The following NPAS3 variants were observed in gnomAD, a reference collection of about 807,000 sequenced individuals.
NPAS3 encodes neuronal PAS domain-containing protein 3.
NPAS3 carries 14 observed loss-of-function variants against 73.1 expected under a neutral mutation model. The ratio of observed to expected loss-of-function variants is 0.19; its 90% CI spans 0.13 to 0.30. The LOEUF (loss-of-function observed/expected upper bound fraction) is 0.30. NPAS3 is among the 10% of genes least tolerant of loss of function. NPAS3 has a pLI of 1.00. For synonymous variants in NPAS3, 620 were observed against 541.5 expected (o/e 1.14, Z -2.01); for missense variants, 1,096 against 1,250.0 (o/e 0.88, Z 1.86).
chr14:32,938,486 T>TGACAGAGAGAGAGA (rs1555372900), upstream of NPAS3, among the ~76,000 whole-genome samples: 1,611 of 55,910 alleles, frequency 0.029, 187 homozygotes, highest in Non-Finnish European at 0.036. Flanking sequence ...AGAGAGAAAT[T>TGACAGAGAGAGAGA]GAGAGAGAGA....
chr14:33,432,061 A>C (rs1057203523), intron 4 of NPAS3, among the ~76,000 whole-genome samples: 1 of 152,230 alleles, frequency 6.6e-6, no homozygotes, highest in African/African-American at 2.4e-5. Context: ...AATGAGAATC[A>C]GTATATAAAG....
At chr14:33,505,957 G>A (rs1566957716) in intron 4 of NPAS3, among the ~76,000 whole-genome samples, 2 of 151,802 alleles carry the variant, frequency 1.3e-5, no homozygotes, top group South Asian at 2.1e-4. Context: ...CTTTCTTTCT[G>A]TCAGAAGTAC....
chr14:33,151,672 A>G (rs957773879), intron 2 of NPAS3, among the ~76,000 whole-genome samples: 1 of 152,244 alleles, frequency 6.6e-6, no homozygotes, highest in African/African-American at 2.4e-5. Context: ...AATGTCACAA[A>G]TAATAACTGA....
chr14:33,261,981 T>A (rs1425717948), intron 3 of NPAS3, among the ~76,000 whole-genome samples: 1 of 152,188 alleles, frequency 6.6e-6, no homozygotes, highest in African/African-American at 2.4e-5. Context: ...GTACAGCTCA[T>A]CTAGAGTTTC....
At chr14:33,019,496 G>A (rs2039514864) in intron 1 of NPAS3, among the ~76,000 whole-genome samples, 1 of 152,016 alleles carries the variant, frequency 6.6e-6, no homozygotes, top group Admixed American at 6.6e-5. Flanking sequence ...AAAAAAACCG[G>A]GGATGGTTTC....
chr14:33,742,207 A>T lies in NPAS3; in HGVS notation c.852+6875A>T, dbSNP rs189017973. The stretch of plus-strand genomic sequence containing the variant: ...GCTTTGCACTCTTTAACATGCTGAG[A>T]TGCCCTAACAATAGCTGCAGACACC... On this transcript the variant is annotated intron_variant, in intron 7 of 11. Coordinates refer to ENST00000356141, the Ensembl canonical transcript of NPAS3. Among the ~76,000 whole-genome samples the T allele has an allele frequency of 6.6e-5, 10 of 152,308 alleles. No individual in the cohort carries two copies. The East Asian group carries it at 1.9e-3, about 29-fold the overall frequency.
At chr14:33,639,403 A>G (rs1207832518) in intron 5 of NPAS3, among the ~76,000 whole-genome samples, 2 of 152,194 alleles carry the variant, frequency 1.3e-5, no homozygotes, top group African/African-American at 2.4e-5. Context: ...AATTTTCTAA[A>G]AAGACAAAGT....
At chr14:33,308,831 A>C in intron 3 of NPAS3, among the ~76,000 whole-genome samples, 1 of 152,142 alleles carries the variant, frequency 6.6e-6, no homozygotes, top group East Asian at 1.9e-4. Context: ...AAATGCAATG[A>C]CATAAAATTG....
intron 2 of NPAS3, among the ~76,000 whole-genome samples, chr14:33,138,490 G>A (rs1198638079): frequency 6.6e-6 from 1 of 152,042 alleles, no homozygotes; most frequent in Non-Finnish European, 1.5e-5. Context: ...AAGATTCATT[G>A]GTTCAATGAA....
chr14:33,776,170 A>G (rs1241865445), intron 8 of NPAS3, among the ~76,000 whole-genome samples: 1 of 152,200 alleles, frequency 6.6e-6, no homozygotes, highest in Non-Finnish European at 1.5e-5. Flanking sequence ...ACCAAGTTAC[A>G]GCCCACAAAG....
intron 1 of NPAS3, among the ~76,000 whole-genome samples, chr14:33,053,642 G>GTTAA (rs1403582919): frequency 6.6e-6 from 1 of 152,200 alleles, no homozygotes; most frequent in Non-Finnish European, 1.5e-5. Flanking sequence ...AACACAAAGT[G>GTTAA]TTAAGTAAAT....
intron 1 of NPAS3, among the ~76,000 whole-genome samples, chr14:32,968,636 T>C (rs1407556503): frequency 6.6e-6 from 1 of 152,192 alleles, no homozygotes; most frequent in Non-Finnish European, 1.5e-5. Context: ...CTAATATGCT[T>C]GTGCAACAAC....
chr14:33,709,647 G>A (rs2060761495), intron 6 of NPAS3, among the ~76,000 whole-genome samples: 1 of 152,208 alleles, frequency 6.6e-6, no homozygotes, highest in African/African-American at 2.4e-5. Context: ...GGCCAACCCT[G>A]TGTGGGAGTC....
intron 4 of NPAS3, among the ~76,000 whole-genome samples, chr14:33,468,238 C>T (rs553717846): frequency 5.3e-5 from 8 of 152,136 alleles, no homozygotes; most frequent in East Asian, 1.9e-4. Context: ...CCACCAGGCT[C>T]GTATGGAAAT....
chr14:33,751,406 A>G (rs558752620), intron 7 of NPAS3, among the ~76,000 whole-genome samples: 54 of 152,314 alleles, frequency 3.5e-4, no homozygotes, highest in African/African-American at 1.3e-3. Flanking sequence ...CATTGCTCAT[A>G]TAAATAGACA....
chr14:33,560,091 C>G (rs1265253424), intron 4 of NPAS3, 30 bp from the exon 5 acceptor site: 1 of 776,054 alleles, frequency 1.3e-6, no homozygotes, highest in Admixed American at 1.9e-5. Flanking sequence ...ATTTATTAAT[C>G]TATTTATATA....
At chr14:33,323,491 G>C (rs2043553091) in intron 3 of NPAS3, among the ~76,000 whole-genome samples, 1 of 152,168 alleles carries the variant, frequency 6.6e-6, no homozygotes, top group African/African-American at 2.4e-5. Context: ...ACAATGTTCA[G>C]TAAACAGTTG....
At chr14:33,731,125 A>G (rs531607040) in intron 6 of NPAS3, among the ~76,000 whole-genome samples, 1 of 152,270 alleles carries the variant, frequency 6.6e-6, no homozygotes, top group African/African-American at 2.4e-5. Flanking sequence ...CACTTCAAGT[A>G]TACTGAAAAA....
At chr14:33,665,237 T>C (rs548266801) in intron 5 of NPAS3, among the ~76,000 whole-genome samples, 1 of 152,266 alleles carries the variant, frequency 6.6e-6, no homozygotes, top group East Asian at 1.9e-4. Context: ...TAAGTGGGAA[T>C]TGAACAATGA....
Sources: gnomAD v4.1 joint callset for allele counts (sites outside exome capture counted in the v4.1 genomes callset) on GRCh38, gnomAD v4.1.1 for gene constraint, MANE v1.5 for transcripts, NCBI Gene and HGNC (gene_info 2026-07-23, HGNC 2026-07-21) for gene names.